Variants in IL34 observed in about 807,000 individuals in gnomAD.
IL34 encodes the protein interleukin 34.
A neutral mutation model predicts 25.3 loss-of-function variants in IL34; 17 were observed. The observed-to-expected ratio is 0.67, with a 90% CI of 0.46 to 1.01. IL34 has a LOEUF of 1.01. Ranked by LOEUF, IL34 falls within the 50% of genes least tolerant of loss-of-function variation. IL34 has a pLI of 0.00. For missense variants in IL34, 368 were observed against 312.9 expected, an observed-to-expected ratio of 1.18 and a Z score of -1.33; for synonymous variants, 174 against 140.9, an observed-to-expected ratio of 1.23 and a Z score of -1.66.
At chr16:70,603,436 C>T (rs777656391) in intron 1 of IL34, among the ~76,000 whole-genome samples, 15 of 152,054 alleles carry the variant, frequency 9.9e-5, no homozygotes, top group Non-Finnish European at 1.3e-4. Flanking sequence ...TGGGCCACCA[C>T]GCCCAGTAAA....
At position 70,658,931 on chromosome 16, in the gene IL34, G is replaced by T. The variant is rs545116310; in HGVS notation, c.403-687G>T. ...TGCAAAGAACCTATTTCCAAATAGGGTCACATTCACGGGTACCAAGGGGTA... is the reference window on the plus strand; with the variant it reads ...TGCAAAGAACCTATTTCCAAATAGGTTCACATTCACGGGTACCAAGGGGTA... On this transcript the variant is annotated intron_variant, in intron 4 of 5. Coordinates refer to ENST00000288098, the MANE Select transcript of IL34 (RefSeq NM_001393494.1). 8.5e-5 allele frequency among the ~76,000 whole-genome samples: 13 copies of T among 152,292 alleles called. No individual in the cohort carries two copies. In the South Asian group the frequency reaches 2.5e-3, roughly 29 times the overall value.
intron 1 of IL34, among the ~76,000 whole-genome samples, chr16:70,587,131 C>A (rs1469939734): frequency 6.6e-6 from 1 of 152,176 alleles, no homozygotes; most frequent in Non-Finnish European, 1.5e-5. Flanking sequence ...TTTGGAGTCA[C>A]TGCCTCCTCC....
chr16:70,633,758 C>G (rs1440790785), intron 1 of IL34, among the ~76,000 whole-genome samples: 1 of 152,176 alleles, frequency 6.6e-6, no homozygotes, highest in East Asian at 1.9e-4. Flanking sequence ...CTTTTCCTGT[C>G]TCTTCCCAGG....
chr16:70,644,414 T>C (rs146930917), upstream of IL34, among the ~76,000 whole-genome samples: 914 of 152,258 alleles, frequency 6.0e-3, 8 homozygotes, highest in Middle Eastern at 0.017. Flanking sequence ...GGGTCTGTTA[T>C]ACTATTCTAC....
At chr16:70,613,391 G>A (rs772535184) in intron 1 of IL34, among the ~76,000 whole-genome samples, 64 of 152,260 alleles carry the variant, frequency 4.2e-4, no homozygotes, top group Non-Finnish European at 7.2e-4. Flanking sequence ...GAGGCATGGC[G>A]GCCACACTGG....
chr16:70,654,728 A>G (rs1467912296), intron 2 of IL34, 57 bp downstream of exon 2: 2 of 1,549,630 alleles, frequency 1.3e-6, no homozygotes, highest in Non-Finnish European at 1.8e-6. Flanking sequence ...TTCACCTGGC[A>G]TAGGCCTCTG....
chr16:70,657,177 A>G (rs906236864), intron 4 of IL34, 56 bp downstream of exon 4: 1 of 1,570,256 alleles, frequency 6.4e-7, no homozygotes, highest in Non-Finnish European at 8.7e-7. Flanking sequence ...ACGTGTGTAC[A>G]TGTGTGTGAG....
At chr16:70,621,660 C>T (rs2051284699) in intron 1 of IL34, among the ~76,000 whole-genome samples, 1 of 152,070 alleles carries the variant, frequency 6.6e-6, no homozygotes. Flanking sequence ...GTGTGAGCAA[C>T]ATGGCTGTTT....
chr16:70,637,894 T>G (rs1367584004), intron 1 of IL34, among the ~76,000 whole-genome samples: 1 of 152,210 alleles, frequency 6.6e-6, no homozygotes, highest in Non-Finnish European at 1.5e-5. Context: ...TATATACCAG[T>G]TCTCAGATTT....
chr16:70,635,622 A>T (rs2051624299), intron 1 of IL34, among the ~76,000 whole-genome samples: 1 of 152,164 alleles, frequency 6.6e-6, no homozygotes, highest in Non-Finnish European at 1.5e-5. Context: ...GGTCCCATTG[A>T]CTGGTCCCAC....
chr16:70,621,748 A>G (rs895115689), intron 1 of IL34, among the ~76,000 whole-genome samples: 2 of 151,944 alleles, frequency 1.3e-5, no homozygotes, highest in Non-Finnish European at 2.9e-5. Flanking sequence ...GTTTTATAGG[A>G]TTTGGGTAGG....
intron 1 of IL34, among the ~76,000 whole-genome samples, chr16:70,635,612 G>T (rs2051623941): frequency 6.6e-6 from 1 of 152,074 alleles, no homozygotes; most frequent in South Asian, 2.1e-4. Context: ...AGTGTTCAAG[G>T]GTCCCATTGA....
At chr16:70,610,813 G>A (rs2051079073) in intron 1 of IL34, among the ~76,000 whole-genome samples, 1 of 152,204 alleles carries the variant, frequency 6.6e-6, no homozygotes, top group African/African-American at 2.4e-5. Flanking sequence ...GCTAGGGTGA[G>A]GAGGAAGGAG....
At chr16:70,635,685 G>A (rs16970408) in intron 1 of IL34, among the ~76,000 whole-genome samples, 50,506 of 152,088 alleles carry the variant, frequency 0.33, 8,532 homozygotes, top group South Asian at 0.46. Context: ...TTTGCTCACA[G>A]ACCTCTATTG....
At chr16:70,597,217 T>G (rs532532496) in intron 1 of IL34, among the ~76,000 whole-genome samples, 8 of 147,194 alleles carry the variant, frequency 5.4e-5, no homozygotes, top group African/African-American at 2.1e-4. Context: ...TTCAGCCAGT[T>G]TTTTAGCTTT....
chr16:70,588,495 C>A (rs1262135289), intron 1 of IL34, among the ~76,000 whole-genome samples: 112 of 136,166 alleles, frequency 8.2e-4, no homozygotes, highest in African/African-American at 2.7e-3. Flanking sequence ...AACTTCATTT[C>A]AAAAAAAAAA....
In IL34 at chr16:70,626,022, C is replaced by T. The variant is rs144771549; in HGVS notation, c.-400-20526C>T. Reference sequence around the variant, plus strand: ...GAGTCACGGCACCGAATTTCATGCGCGTCCATGAGAAGAGACCACCACACA... The same window carrying T: ...GAGTCACGGCACCGAATTTCATGCGTGTCCATGAGAAGAGACCACCACACA... On this transcript the variant is annotated intron_variant, in intron 1 of 6. Transcript: ENST00000429149. Among the ~76,000 whole-genome samples, 287 of 152,318 alleles carry T rather than the reference C, an allele frequency of 1.9e-3. 1 individual carries two copies. The highest frequency in any genetic ancestry group is 5.4e-3 in the African/African-American group (223 of 41,578).
At chr16:70,643,099 G>T (rs1050296324), upstream of IL34, among the ~76,000 whole-genome samples, 3 of 152,212 alleles carry the variant, frequency 2.0e-5, no homozygotes, top group African/African-American at 7.2e-5. Flanking sequence ...ATCTCACTCT[G>T]TCACCCAGGC....
chr16:70,615,646 A>G (rs1301374647), intron 1 of IL34, among the ~76,000 whole-genome samples: 2 of 151,626 alleles, frequency 1.3e-5, no homozygotes, highest in African/African-American at 4.9e-5. Flanking sequence ...AAATATATAG[A>G]TATAGATATA....
Sources: gnomAD v4.1 joint callset for allele counts (sites outside exome capture counted in the v4.1 genomes callset) on GRCh38, gnomAD v4.1.1 for gene constraint, MANE v1.5 for transcripts, NCBI Gene and HGNC (gene_info 2026-07-23, HGNC 2026-07-21) for gene names.